Variants in LY96 observed in about 807,000 individuals in gnomAD.
LY96 encodes lymphocyte antigen 96, also known as myeloid differentiation protein-2.
LY96 carries 18 observed loss-of-function variants against 18.9 expected under a neutral mutation model. The observed-to-expected ratio is 0.95, with a 90% CI of 0.66 to 1.41. LY96 has a LOEUF of 1.41. Ranked by LOEUF, LY96 falls within the 40% of genes most tolerant of loss-of-function variation. LY96 has a pLI of 0.00. For synonymous variants in LY96, 66 were observed against 62.6 expected, an observed-to-expected ratio of 1.06 and a Z score of -0.26; for missense variants, 175 against 182.4, an observed-to-expected ratio of 0.96 and a Z score of 0.23.
chr8:74,023,074 G>C (rs28496706), intron 3 of LY96, among the ~76,000 whole-genome samples: 8,539 of 152,202 alleles, frequency 0.056, 784 homozygotes, highest in African/African-American at 0.19. Context: ...TTGAGTGTGT[G>C]TTTTGTGTAA....
At chr8:74,016,843 A>C (rs1314773603) in intron 3 of LY96, among the ~76,000 whole-genome samples, 1 of 152,208 alleles carries the variant, frequency 6.6e-6, no homozygotes, top group Non-Finnish European at 1.5e-5. Context: ...AACAAACAGA[A>C]AGGAAGAGCA....
At chr8:74,019,837 A>T (rs1185316232) in intron 3 of LY96, among the ~76,000 whole-genome samples, 1 of 152,234 alleles carries the variant, frequency 6.6e-6, no homozygotes. Flanking sequence ...TTATGTCACT[A>T]GATGCAGAAA....
chr8:74,051,853 C>T, the LY96 span, among the ~76,000 whole-genome samples: 6 of 152,120 alleles, frequency 3.9e-5, no homozygotes, highest in Non-Finnish European at 8.8e-5. Context: ...TTGCTTGAGC[C>T]GCCCAGTCTA....
chr8:74,005,092 C>T (rs922776698), intron 2 of LY96, among the ~76,000 whole-genome samples: 2 of 152,210 alleles, frequency 1.3e-5, no homozygotes, highest in African/African-American at 4.8e-5. Context: ...GTGTCTGCTT[C>T]AAGGTCTCCC....
At chr8:74,097,013 G>A in the LY96 span, among the ~76,000 whole-genome samples, 1 of 152,170 alleles carries the variant, frequency 6.6e-6, no homozygotes, top group Non-Finnish European at 1.5e-5. Flanking sequence ...GAGGTGGGTG[G>A]TCAGGGAGCC....
chr8:74,070,745 A>C, the LY96 span, among the ~76,000 whole-genome samples: 1 of 152,114 alleles, frequency 6.6e-6, no homozygotes, highest in African/African-American at 2.4e-5. Context: ...TTTAAAAAAA[A>C]ATTAATTATT....
chr8:74,015,309 A>T lies in LY96; in HGVS notation c.331+5180A>T, dbSNP rs78806330. 4.8e-3 allele frequency among the ~76,000 whole-genome samples: 731 copies of T among 152,348 alleles called. 7 individuals carry two copies. The highest frequency in any genetic ancestry group is 0.017 in the African/African-American group (687 of 41,578). On this transcript the variant is annotated intron_variant, in intron 3 of 4. Coordinates refer to ENST00000284818, the MANE Select transcript of LY96 (RefSeq NM_015364.5). ...TACCTTAGAAAAACAGAAATTTATC[A>T]TGTAACAGCTCTGGAGTCCAGAAGT...
chr8:74,019,771 C>A (rs1816721753), intron 3 of LY96, among the ~76,000 whole-genome samples: 2 of 152,156 alleles, frequency 1.3e-5, no homozygotes, highest in African/African-American at 4.8e-5. Context: ...TCAGCATACA[C>A]AAATCAATAT....
chr8:74,019,345 A>G (rs530444276), intron 3 of LY96, among the ~76,000 whole-genome samples: 1 of 152,242 alleles, frequency 6.6e-6, no homozygotes, highest in Admixed American at 6.5e-5. Context: ...TCCTGGACAC[A>G]TACACCCTCC....
chr8:74,077,387 C>G, the LY96 span, among the ~76,000 whole-genome samples: 1 of 152,122 alleles, frequency 6.6e-6, no homozygotes, highest in Non-Finnish European at 1.5e-5. Flanking sequence ...GGAATGAAGA[C>G]CAGATAGCCT....
chr8:74,026,913 C>A, intron 4 of LY96, 72 bp downstream of exon 4: 1 of 765,182 alleles, frequency 1.3e-6, no homozygotes, highest in Non-Finnish European at 2.3e-6. Context: ...TTGAAACAAG[C>A]AATTCACAAC....
At chr8:74,041,675 G>A in the LY96 span, among the ~76,000 whole-genome samples, 1 of 152,130 alleles carries the variant, frequency 6.6e-6, no homozygotes, top group Non-Finnish European at 1.5e-5. Context: ...CTGATCTCCT[G>A]CAGTATCCTC....
chr8:74,052,838 G>T, the LY96 span, among the ~76,000 whole-genome samples: 8 of 152,172 alleles, frequency 5.3e-5, no homozygotes, highest in Non-Finnish European at 7.3e-5. Flanking sequence ...GTAAGGAGGG[G>T]TATGATTGTG....
chr8:74,017,026 G>A (rs189267335), intron 3 of LY96, among the ~76,000 whole-genome samples: 222 of 152,292 alleles, frequency 1.5e-3, no homozygotes, highest in African/African-American at 4.9e-3. Context: ...CGCCAGCAAC[G>A]GAACAAAGCT....
At chr8:74,053,258 C>CT in the LY96 span, among the ~76,000 whole-genome samples, 1 of 152,164 alleles carries the variant, frequency 6.6e-6, no homozygotes, top group Non-Finnish European at 1.5e-5. Context: ...TATTTGTCCC[C>CT]TTTTTTTAAT....
At chr8:74,058,523 C>CG in the LY96 span, among the ~76,000 whole-genome samples, 6 of 139,600 alleles carry the variant, frequency 4.3e-5, no homozygotes, top group Non-Finnish European at 9.3e-5. Context: ...GAAAGTTTTT[C>CG]TTTTTTTTTT....
the LY96 span, among the ~76,000 whole-genome samples, chr8:74,059,602 G>GA: frequency 1.8e-4 from 28 of 151,816 alleles, no homozygotes; most frequent in African/African-American, 6.3e-4. Context: ...CTTCCTTATG[G>GA]AAAAAAAATA....
the LY96 span, among the ~76,000 whole-genome samples, chr8:74,068,089 A>ATAT: frequency 1.5e-5 from 1 of 67,932 alleles, no homozygotes; most frequent in Non-Finnish European, 2.5e-5. Flanking sequence ...AAAAAAAAAA[A>ATAT]ATATATATAT....
chr8:74,092,239 G>C, the LY96 span, among the ~76,000 whole-genome samples: 2 of 152,154 alleles, frequency 1.3e-5, no homozygotes, highest in Non-Finnish European at 2.9e-5. Flanking sequence ...CACCAACTAA[G>C]TCTGTTCATT....
Sources: allele counts gnomAD v4.1 joint callset (sites outside exome capture counted in the v4.1 genomes callset), GRCh38; gene constraint gnomAD v4.1.1; transcripts MANE v1.5; gene names NCBI Gene and HGNC (gene_info 2026-07-23, HGNC 2026-07-21).